SEMA3A: variants seen among roughly 807,000 people sequenced by gnomAD.
SEMA3A encodes the protein semaphorin 3A, also known as semaphorin-3A.
In SEMA3A, 29 loss-of-function variants were observed where a neutral mutation model predicts 97.9. That is an observed-to-expected ratio of 0.30 (90% confidence interval 0.22 to 0.40). The LOEUF is 0.40. Ranked by LOEUF, SEMA3A falls within the 10% of genes least tolerant of loss-of-function variation. The probability of loss-of-function intolerance (pLI) is 1.00; values close to 1 mark genes in which losing one functional copy is unlikely to be tolerated. For missense variants in SEMA3A, 763 were observed against 951.3 expected (o/e 0.80, Z 2.60); for synonymous variants, 321 against 323.7 (o/e 0.99, Z 0.09).
chr7:84,109,554 A>G (rs1035475055), intron 4 of SEMA3A, among the ~76,000 whole-genome samples: 6 of 152,244 alleles, frequency 3.9e-5, no homozygotes, highest in African/African-American at 9.6e-5. Flanking sequence ...ACATATTTGT[A>G]TCACTTTGGG....
chr7:84,377,613 A>T (rs1260197769), intron 1 of SEMA3A, among the ~76,000 whole-genome samples: 1 of 152,116 alleles, frequency 6.6e-6, no homozygotes, highest in Non-Finnish European at 1.5e-5. Context: ...TTATTTTGTA[A>T]ATAAGGAATA....
intron 1 of SEMA3A, among the ~76,000 whole-genome samples, chr7:84,452,919 G>A (rs1158661761): frequency 4.8e-5 from 5 of 103,670 alleles, no homozygotes; most frequent in Non-Finnish European, 1.2e-4. Flanking sequence ...GGCCTTTTTT[G>A]GGGGGGAAGT....
intron 1 of SEMA3A, among the ~76,000 whole-genome samples, chr7:84,143,823 A>G (rs1796372994): frequency 6.6e-6 from 1 of 151,892 alleles, no homozygotes; most frequent in Admixed American, 6.6e-5. Flanking sequence ...AAAGAAAAAG[A>G]AAAAGTAGAG....
At chr7:84,240,343 G>T (rs375735690) in intron 3 of SEMA3A, among the ~76,000 whole-genome samples, 9 of 151,324 alleles carry the variant, frequency 5.9e-5, no homozygotes, top group African/African-American at 1.9e-4. Flanking sequence ...TTAAGTTAAC[G>T]ATCTTGAGAT....
At chr7:84,002,797 T>G (rs1015217467) in intron 11 of SEMA3A, among the ~76,000 whole-genome samples, 14 of 140,522 alleles carry the variant, frequency 1.0e-4, no homozygotes, top group African/African-American at 3.2e-4. Flanking sequence ...ATTGAATGCA[T>G]TTTATAGAGA....
intron 5 of SEMA3A, among the ~76,000 whole-genome samples, chr7:84,053,573 T>G (rs1203757409): frequency 2.3e-5 from 1 of 43,774 alleles, no homozygotes; most frequent in Middle Eastern, 0.013. Context: ...TGGTAGATCT[T>G]CCTCCATCCT....
Position 84,134,925 on chromosome 7 carries a change from T to C in SEMA3A, c.139A>G (p.Thr47Ala), listed in dbSNP as rs574312983. The C allele has an allele frequency of 2.1e-5, 34 of 1,612,858 alleles. No individual in the cohort carries two copies. The Admixed American group carries it at 5.5e-4, about 26-fold the overall frequency. Reference protein sequence around the residue: ...KEMLESNNVITFNGLANSSSY... With the variant: ...KEMLESNNVIAFNGLANSSSY... The stretch of plus-strand genomic sequence containing the variant: ...GAGCTGTTGGCCAAGCCATTGAAAG[T>C]GATCACATTGTTGGATTCCAACATT... Residue 47 changes from threonine (T) to alanine (A), a missense_variant, in exon 2 of 17, where the codon ACT (threonine) becomes GCT (alanine). Thr to Ala is a moderately conservative substitution (Grantham distance 58, BLOSUM62 0). Coordinates refer to ENST00000265362, the MANE Select transcript of SEMA3A (RefSeq NM_006080.3).
intron 4 of SEMA3A, among the ~76,000 whole-genome samples, chr7:84,081,238 G>A (rs563479486): frequency 5.3e-4 from 80 of 151,894 alleles, no homozygotes; most frequent in South Asian, 1.0e-3. Flanking sequence ...GAAAAATTGG[G>A]CAAATTTATG....
intron 4 of SEMA3A, among the ~76,000 whole-genome samples, chr7:84,068,386 C>A (rs1793614343): frequency 7.0e-6 from 1 of 143,096 alleles, no homozygotes. Context: ...AACTAACCTG[C>A]ACATTGTGCA....
intron 4 of SEMA3A, among the ~76,000 whole-genome samples, chr7:84,093,858 T>C (rs1794666467): frequency 6.6e-6 from 1 of 150,504 alleles, no homozygotes; most frequent in Non-Finnish European, 1.5e-5. Context: ...ACTTAGGTGA[T>C]AAGTGCAGCA....
chr7:84,234,462 ATTTGTC>A (rs1799188043), intron 3 of SEMA3A, among the ~76,000 whole-genome samples: 1 of 151,874 alleles, frequency 6.6e-6, no homozygotes, highest in African/African-American at 2.4e-5. Flanking sequence ...CTTTACATTG[ATTTGTC>A]TTTATCTCTC....
intron 3 of SEMA3A, among the ~76,000 whole-genome samples, chr7:84,306,910 C>T (rs113977092): frequency 6.6e-6 from 1 of 152,012 alleles, no homozygotes; most frequent in Non-Finnish European, 1.5e-5. Flanking sequence ...CCTGGGGAAC[C>T]TCACAAACCC....
intron 2 of SEMA3A, among the ~76,000 whole-genome samples, chr7:84,356,410 A>G (rs1417769920): frequency 6.6e-6 from 1 of 151,546 alleles, no homozygotes; most frequent in Non-Finnish European, 1.5e-5. Flanking sequence ...AAGAGTATAA[A>G]TAGCACTCTA....
intron 4 of SEMA3A, among the ~76,000 whole-genome samples, chr7:84,097,985 G>A (rs114618474): frequency 0.013 from 1,913 of 152,110 alleles, 39 homozygotes; most frequent in African/African-American, 0.043. Flanking sequence ...GAAAAAAAAT[G>A]TAATATTTCA....
intron 4 of SEMA3A, among the ~76,000 whole-genome samples, chr7:84,075,450 C>A (rs1000927847): frequency 6.9e-6 from 1 of 144,670 alleles, no homozygotes; most frequent in Non-Finnish European, 1.5e-5. Context: ...TAAGCCACTG[C>A]ACCTGGTCTT....
intron 2 of SEMA3A, among the ~76,000 whole-genome samples, chr7:84,354,873 C>A (rs1482647901): frequency 6.6e-6 from 1 of 151,546 alleles, no homozygotes; most frequent in African/African-American, 2.4e-5. Context: ...AAATTTGGGT[C>A]ATTTCTACAA....
At chr7:84,379,757 C>A (rs1487979649) in intron 1 of SEMA3A, among the ~76,000 whole-genome samples, 1 of 151,852 alleles carries the variant, frequency 6.6e-6, no homozygotes, top group Non-Finnish European at 1.5e-5. Context: ...TATGGTAAAC[C>A]CATGTCATTT....
intron 1 of SEMA3A, among the ~76,000 whole-genome samples, chr7:84,444,222 T>C (rs1315698189): frequency 2.0e-5 from 3 of 152,110 alleles, no homozygotes; most frequent in South Asian, 2.1e-4. Flanking sequence ...CTGGTAAAGA[T>C]ACGTTTTATT....
chr7:84,484,019 G>A (rs1806510643), intron 1 of SEMA3A, among the ~76,000 whole-genome samples: 1 of 151,384 alleles, frequency 6.6e-6, no homozygotes, highest in Non-Finnish European at 1.5e-5. Flanking sequence ...ACTCCAGCTT[G>A]GGCAACAAGA....
Sources: gnomAD v4.1 joint callset for allele counts (sites outside exome capture counted in the v4.1 genomes callset) on GRCh38, gnomAD v4.1.1 for gene constraint, MANE v1.5 for transcripts, NCBI Gene and HGNC (gene_info 2026-07-23, HGNC 2026-07-21) for gene names.